Variants in PCDH7 observed in about 807,000 individuals in gnomAD.
PCDH7 encodes the protein protocadherin 7, also known as protocadherin-7.
PCDH7 carries 17 observed loss-of-function variants against 58.9 expected under a neutral mutation model. That is an observed-to-expected ratio of 0.29 (90% CI 0.20 to 0.43). The LOEUF (loss-of-function observed/expected upper bound fraction) is 0.43, where lower values mean the gene tolerates loss of function less well. Among genes scored for constraint, PCDH7 ranks in the 20% least tolerant of loss-of-function variants. PCDH7 has a pLI of 1.00. For missense variants in PCDH7, 1,274 were observed against 1,441.0 expected (o/e 0.88, Z 1.88); for synonymous variants, 664 against 616.4 (o/e 1.08, Z -1.14).
chr4:31,057,695 A>G (rs1401415846), intron 3 of PCDH7, among the ~76,000 whole-genome samples: 1 of 152,186 alleles, frequency 6.6e-6, no homozygotes, highest in African/African-American at 2.4e-5. Flanking sequence ...TACTTAGTTT[A>G]GAAAAATTTA....
chr4:31,084,663 A>T (rs1020254695), intron 3 of PCDH7, among the ~76,000 whole-genome samples: 1 of 131,314 alleles, frequency 7.6e-6, no homozygotes, highest in African/African-American at 2.9e-5. Flanking sequence ...AGAAAGAGAG[A>T]GAGAGAGAGA....
At chr4:30,860,825 G>A (rs963470307) in intron 1 of PCDH7, among the ~76,000 whole-genome samples, 4 of 152,050 alleles carry the variant, frequency 2.6e-5, no homozygotes, top group African/African-American at 4.8e-5. Flanking sequence ...TTTGGTAATT[G>A]GGTTTAAGGC....
intron 1 of PCDH7, among the ~76,000 whole-genome samples, chr4:30,871,203 T>C (rs1735532720): frequency 6.6e-6 from 1 of 152,118 alleles, no homozygotes; most frequent in Non-Finnish European, 1.5e-5. Flanking sequence ...AATGTAATTG[T>C]AGCTGACATA....
intron 1 of PCDH7, among the ~76,000 whole-genome samples, chr4:30,838,657 C>T (rs1459320270): frequency 6.6e-6 from 1 of 151,812 alleles, no homozygotes; most frequent in Non-Finnish European, 1.5e-5. Flanking sequence ...CTTTTTTTTC[C>T]GTCTTTGTAT....
At chr4:30,767,800 G>T (rs904989361) in intron 1 of PCDH7, among the ~76,000 whole-genome samples, 8 of 152,110 alleles carry the variant, frequency 5.3e-5, no homozygotes, top group East Asian at 3.9e-4. Context: ...AAATTTGAGA[G>T]AATTAAACTT....
chr4:31,122,249 G>T (rs1039252227), intron 3 of PCDH7, among the ~76,000 whole-genome samples: 1 of 152,042 alleles, frequency 6.6e-6, no homozygotes, highest in Admixed American at 6.6e-5. Context: ...AGCCATGTAG[G>T]TATATCATGG....
intron 3 of PCDH7, among the ~76,000 whole-genome samples, chr4:30,965,940 G>A (rs1332426919): frequency 6.6e-6 from 1 of 152,218 alleles, no homozygotes; most frequent in East Asian, 1.9e-4. Flanking sequence ...TCATCTAAAA[G>A]TATTTCTGCA....
chr4:30,746,277 A>G (rs1366092291), intron 1 of PCDH7, among the ~76,000 whole-genome samples: 2 of 152,224 alleles, frequency 1.3e-5, no homozygotes, highest in Non-Finnish European at 1.5e-5. Context: ...AAAGACCACA[A>G]CATTTAAAAA....
chr4:31,015,497 A>G (rs529646781), intron 3 of PCDH7, among the ~76,000 whole-genome samples: 1 of 152,182 alleles, frequency 6.6e-6, no homozygotes, highest in Non-Finnish European at 1.5e-5. Context: ...ATGAAAATAC[A>G]TATATAAAAA....
At chr4:31,122,817 G>T (rs984059912) in intron 3 of PCDH7, among the ~76,000 whole-genome samples, 3 of 151,744 alleles carry the variant, frequency 2.0e-5, no homozygotes, top group Non-Finnish European at 4.4e-5. Flanking sequence ...TGTTTCTTTG[G>T]GGGAAATGAG....
intron 1 of PCDH7, among the ~76,000 whole-genome samples, chr4:30,841,962 A>G (rs1453058761): frequency 6.6e-6 from 1 of 152,058 alleles, no homozygotes; most frequent in African/African-American, 2.4e-5. Flanking sequence ...GGTTAATATT[A>G]TATATTTTTT....
intron 3 of PCDH7, among the ~76,000 whole-genome samples, chr4:31,086,901 A>G (rs1712508594): frequency 6.6e-6 from 1 of 152,200 alleles, no homozygotes; most frequent in Non-Finnish European, 1.5e-5. Flanking sequence ...CTCTGCTCAG[A>G]GAAACCACAG....
chr4:30,787,476 C>T (rs73213189), intron 1 of PCDH7, among the ~76,000 whole-genome samples: 37 of 151,994 alleles, frequency 2.4e-4, no homozygotes, highest in African/African-American at 4.1e-4. Context: ...TAACTTATGA[C>T]GGTGTAAAAG....
At chr4:30,822,044 G>C (rs1026034633) in intron 1 of PCDH7, among the ~76,000 whole-genome samples, 2 of 152,030 alleles carry the variant, frequency 1.3e-5, no homozygotes, top group African/African-American at 4.8e-5. Context: ...GACCACAAAC[G>C]ATCGGTATCT....
intron 1 of PCDH7, among the ~76,000 whole-genome samples, chr4:30,753,393 G>T (rs138932565): frequency 2.0e-5 from 3 of 152,262 alleles, no homozygotes; most frequent in Non-Finnish European, 2.9e-5. Context: ...GTGACAATAT[G>T]GTTAAATTAG....
chr4:31,056,461 G>GAAAGAA (rs1757205229), intron 3 of PCDH7, among the ~76,000 whole-genome samples: 2 of 37,138 alleles, frequency 5.4e-5, no homozygotes, highest in African/African-American at 2.9e-4. Context: ...AAAGAAAGAA[G>GAAAGAA]AAAGAAAGAA....
At chr4:31,114,722 A>C (rs1296944858) in intron 3 of PCDH7, among the ~76,000 whole-genome samples, 1 of 151,880 alleles carries the variant, frequency 6.6e-6, no homozygotes, top group Non-Finnish European at 1.5e-5. Flanking sequence ...AGTGGCAGGG[A>C]TAGAGGAGAG....
intron 3 of PCDH7, among the ~76,000 whole-genome samples, chr4:31,027,581 C>A (rs1754540548): frequency 6.6e-6 from 1 of 151,952 alleles, no homozygotes; most frequent in Admixed American, 6.6e-5. Flanking sequence ...CACCACCACG[C>A]CCAACTAATT....
chr4:30,801,755 G>T (rs1298185002), intron 1 of PCDH7, among the ~76,000 whole-genome samples: 1 of 152,152 alleles, frequency 6.6e-6, no homozygotes, highest in East Asian at 1.9e-4. Context: ...AAAGAAAAAG[G>T]TGTATTCCAG....
Sources: allele counts gnomAD v4.1 joint callset (sites outside exome capture counted in the v4.1 genomes callset), GRCh38; gene constraint gnomAD v4.1.1; transcripts MANE v1.5; gene names NCBI Gene and HGNC (gene_info 2026-07-23, HGNC 2026-07-21).